Variants in MEMO1 observed in about 807,000 individuals in gnomAD.
The protein encoded by MEMO1 is protein MEMO1.
MEMO1 carries 6 observed loss-of-function variants against 45.2 expected under a neutral mutation model. The ratio of observed to expected loss-of-function variants is 0.13; its 90% CI spans 0.07 to 0.26. MEMO1 has a LOEUF of 0.26. MEMO1 is among the 10% of genes least tolerant of loss of function. MEMO1 has a pLI of 1.00. For missense variants in MEMO1, 184 were observed against 370.5 expected (o/e 0.50, Z 4.13); for synonymous variants, 78 against 124.3 (o/e 0.63, Z 2.48).
chr2:31,983,628 T>C (rs1670923781), intron 2 of MEMO1, among the ~76,000 whole-genome samples: 1 of 152,100 alleles, frequency 6.6e-6, no homozygotes, highest in Non-Finnish European at 1.5e-5. Flanking sequence ...GAGACACGGT[T>C]TCTCCATGTT....
rs557969564 is a variant in MEMO1 at position 31,903,298 on chromosome 2, T to C, written c.438-11164A>G. ...AAACCAACTGTAACAACAACTACAG[T>C]TAGCCAGTCAGAAGGGACAGGATCC... is the stretch of plus-strand genomic sequence containing the variant. On this transcript the variant is annotated intron_variant, in intron 6 of 9. Coordinates refer to ENST00000404530, the MANE Select transcript of MEMO1 (RefSeq NM_001301833.4). 3.5e-3 allele frequency among the ~76,000 whole-genome samples: 536 copies of C among 151,724 alleles called. 5 individuals are homozygous for C. Among genetic ancestry groups the C allele is most frequent in the African/African-American group, 0.013 (518 of 41,360 alleles).
chr2:31,970,048 T>C (rs560086199), intron 2 of MEMO1, among the ~76,000 whole-genome samples: 212 of 152,300 alleles, frequency 1.4e-3, no homozygotes, highest in African/African-American at 5.0e-3. Flanking sequence ...CTCAGTTCAC[T>C]GTAACCTCCC....
intron 6 of MEMO1, among the ~76,000 whole-genome samples, chr2:31,893,850 A>AATCT (rs1677316384): frequency 6.6e-6 from 1 of 152,198 alleles, no homozygotes; most frequent in African/African-American, 2.4e-5. Context: ...TGAGCTTACA[A>AATCT]ATCTATCTGT....
At chr2:31,962,290 G>C (rs1009805613) in intron 2 of MEMO1, among the ~76,000 whole-genome samples, 1 of 152,094 alleles carries the variant, frequency 6.6e-6, no homozygotes, top group Non-Finnish European at 1.5e-5. Flanking sequence ...TCAGAAGGCT[G>C]AGGTAGGAGA....
intron 3 of MEMO1, among the ~76,000 whole-genome samples, chr2:31,934,365 T>C (rs907052111): frequency 5.9e-5 from 9 of 152,100 alleles, no homozygotes; most frequent in African/African-American, 2.2e-4. Flanking sequence ...ATCCTGTTCC[T>C]GACCAAGCTC....
chr2:31,992,487 A>T (rs1672063215), intron 2 of MEMO1, among the ~76,000 whole-genome samples: 2 of 152,208 alleles, frequency 1.3e-5, no homozygotes, highest in African/African-American at 4.8e-5. Context: ...CTGAAATGTC[A>T]AAAGTGAATT....
At chr2:31,947,017 C>T (rs913873260) in intron 2 of MEMO1, among the ~76,000 whole-genome samples, 1 of 152,072 alleles carries the variant, frequency 6.6e-6, no homozygotes, top group Non-Finnish European at 1.5e-5. Context: ...GTATAGTAGG[C>T]TATACCATCT....
chr2:31,923,549 TG>T, intron 4 of MEMO1: 5 of 1,316,358 alleles, frequency 3.8e-6, no homozygotes, highest in Admixed American at 3.6e-5. Flanking sequence ...CATGACACTT[TG>T]TTTTAAATTA....
chr2:31,877,810 TATAA>T (rs1674773748), intron 8 of MEMO1, among the ~76,000 whole-genome samples: 1 of 152,192 alleles, frequency 6.6e-6, no homozygotes, highest in Admixed American at 6.5e-5. Context: ...ATATATTTAT[TATAA>T]ATTCCTTTTA....
chr2:31,915,929 G>A (rs943446729), intron 6 of MEMO1, among the ~76,000 whole-genome samples: 3 of 152,066 alleles, frequency 2.0e-5, no homozygotes, highest in African/African-American at 7.2e-5. Flanking sequence ...AAGAGGTTTT[G>A]TTACTTAGTA....
intron 2 of MEMO1, among the ~76,000 whole-genome samples, chr2:31,961,061 A>T (rs1162707301): frequency 1.3e-5 from 2 of 152,248 alleles, no homozygotes; most frequent in African/African-American, 2.4e-5. Context: ...GTTAAATTCA[A>T]AAAGGAGGCA....
At chr2:31,993,295 C>T (rs1198600495) in intron 2 of MEMO1, among the ~76,000 whole-genome samples, 1 of 152,174 alleles carries the variant, frequency 6.6e-6, no homozygotes, top group Non-Finnish European at 1.5e-5. Context: ...GTCCAAACAA[C>T]CTACATCCAT....
chr2:31,981,214 C>T (rs1301543454), intron 2 of MEMO1, among the ~76,000 whole-genome samples: 1 of 152,216 alleles, frequency 6.6e-6, no homozygotes, highest in East Asian at 1.9e-4. Flanking sequence ...TTACTACAGC[C>T]TCTAGTTGAG....
At chr2:31,906,608 C>A (rs1045600237) in intron 6 of MEMO1, among the ~76,000 whole-genome samples, 3 of 152,176 alleles carry the variant, frequency 2.0e-5, no homozygotes, top group African/African-American at 7.2e-5. Flanking sequence ...CAGGTGTTAG[C>A]CATCGCACCC....
intron 4 of MEMO1, among the ~76,000 whole-genome samples, chr2:31,928,330 G>A (rs1400091423): frequency 6.6e-6 from 1 of 152,182 alleles, no homozygotes; most frequent in Non-Finnish European, 1.5e-5. Context: ...ATCAGTTGTG[G>A]TGAGGTGTTC....
At chr2:31,870,462 T>C (rs904580968) in intron 8 of MEMO1, among the ~76,000 whole-genome samples, 2 of 152,194 alleles carry the variant, frequency 1.3e-5, no homozygotes, top group Non-Finnish European at 2.9e-5. Flanking sequence ...ATGTAAGGTA[T>C]TTTAAATCAC....
At chr2:31,933,344 A>ATATATAT (rs1664462781) in intron 3 of MEMO1, among the ~76,000 whole-genome samples, 2 of 35,402 alleles carry the variant, frequency 5.6e-5, no homozygotes, top group African/African-American at 2.3e-4. Context: ...AAAAAAAAAA[A>ATATATAT]AAAAATTTAT....
chr2:31,968,890 T>C (rs1361504318), intron 2 of MEMO1, among the ~76,000 whole-genome samples: 1 of 152,094 alleles, frequency 6.6e-6, no homozygotes, highest in African/African-American at 2.4e-5. Flanking sequence ...GAAAATACTT[T>C]AAAAGTCCTG....
chr2:31,990,543 C>G (rs1199783214), intron 2 of MEMO1, among the ~76,000 whole-genome samples: 1 of 150,654 alleles, frequency 6.6e-6, no homozygotes, highest in African/African-American at 2.4e-5. Flanking sequence ...ACTCTGCCTA[C>G]CAGGCTCAAG....
Sources: allele counts gnomAD v4.1 joint callset (sites outside exome capture counted in the v4.1 genomes callset), GRCh38; gene constraint gnomAD v4.1.1; transcripts MANE v1.5; gene names NCBI Gene and HGNC (gene_info 2026-07-23, HGNC 2026-07-21).